NOL4: variants seen among roughly 807,000 people sequenced by gnomAD.
NOL4 encodes nucleolar protein 4.
Under a neutral mutation model 75.9 loss-of-function variants are expected in NOL4, and 17 were observed. That is an observed-to-expected ratio of 0.22 (90% CI 0.15 to 0.34). The LOEUF (loss-of-function observed/expected upper bound fraction) is 0.34, where lower values mean the gene tolerates loss of function less well. Among genes scored for constraint, NOL4 ranks in the 10% least tolerant of loss-of-function variants. The pLI is 1.00. For missense variants in NOL4, 614 were observed against 793.5 expected (o/e 0.77, Z 2.72); for synonymous variants, 292 against 289.9 (o/e 1.01, Z -0.07).
intron 3 of NOL4, 80 bp downstream of exon 3, chr18:34,104,969 C>T (rs1025273257): frequency 4.6e-6 from 4 of 874,508 alleles, no homozygotes; most frequent in East Asian, 2.5e-5. Flanking sequence ...CAGTCTACCA[C>T]GTTTTTATAA....
chr18:34,223,358 G>A lies in NOL4; in HGVS notation c.-105C>T. 1 of 1,487,372 alleles carries A rather than the reference G, an allele frequency of 6.7e-7. No homozygotes were observed. The highest frequency in any genetic ancestry group is 1.3e-5 in the South Asian group (1 of 76,166). The allele number at this position is 1,487,372 out of a possible 1,614,324, so 92.1% of individuals were successfully genotyped here. ...CCCGGCCACGTTGCAGGGATGCGAGGTCCCGGCCGCAGCGGGAGCCTGCTT... is the reference window on the plus strand; with the variant it reads ...CCCGGCCACGTTGCAGGGATGCGAGATCCCGGCCGCAGCGGGAGCCTGCTT... On this transcript the variant is annotated 5_prime_UTR_variant, in exon 1 of 11. Coordinates refer to ENST00000261592, the MANE Select transcript of NOL4 (RefSeq NM_003787.5).
chr18:34,093,482 A>C lies in NOL4; in HGVS notation c.755T>G (p.Leu252Arg), dbSNP rs2078623886. Residue 252 changes from leucine (L) to arginine (R), a missense_variant, in exon 5 of 11, where the codon CTT becomes CGT. This residue lies in a region of NOL4 where 135 missense variants were observed against 220.4 expected (regional missense o/e 0.61). Transcript: ENST00000261592. Reference protein sequence around the residue: ...LEERMQSPQNLHGQQDDDSAA... With the variant: ...LEERMQSPQNRHGQQDDDSAA... ...AGGCTTACCATCTTGCTGGCCATGAAGATTCTGGGGACTTTGCATTCTTTC... is the reference window on the plus strand; with the variant it reads ...AGGCTTACCATCTTGCTGGCCATGACGATTCTGGGGACTTTGCATTCTTTC... 6.3e-7 allele frequency: 1 copy of C among 1,583,864 alleles called. No homozygotes were observed. The highest frequency in any genetic ancestry group is 8.6e-7 in the Non-Finnish European group (1 of 1,163,068).
At chr18:34,017,070 AC>A (rs1174244012) in intron 6 of NOL4, among the ~76,000 whole-genome samples, 1 of 151,974 alleles carries the variant, frequency 6.6e-6, no homozygotes, top group Non-Finnish European at 1.5e-5. Flanking sequence ...CTAGCAAGAG[AC>A]CCCTTCTGAA....
chr18:34,165,311 A>G (rs1471143915), intron 1 of NOL4, among the ~76,000 whole-genome samples: 1 of 152,190 alleles, frequency 6.6e-6, no homozygotes, highest in Non-Finnish European at 1.5e-5. Flanking sequence ...CATCCTTAGT[A>G]TCTCACAGCA....
chr18:33,964,605 T>C (rs979074857), intron 6 of NOL4, among the ~76,000 whole-genome samples: 4 of 152,178 alleles, frequency 2.6e-5, no homozygotes, highest in African/African-American at 9.6e-5. Context: ...CAAAATGTGC[T>C]GGTTGCACTA....
intron 1 of NOL4, among the ~76,000 whole-genome samples, 165 bp from the exon 2 acceptor site, chr18:34,130,185 T>C (rs577141925): frequency 6.6e-6 from 1 of 152,186 alleles, no homozygotes; most frequent in Admixed American, 6.6e-5. Flanking sequence ...TATGCATTAC[T>C]TACATACAGA....
At chr18:34,028,149 A>T (rs1448655383) in intron 5 of NOL4, among the ~76,000 whole-genome samples, 3 of 151,812 alleles carry the variant, frequency 2.0e-5, no homozygotes, top group African/African-American at 7.3e-5. Flanking sequence ...TGGTCATAGT[A>T]CCCCCCCAAC....
chr18:34,217,537 T>C (rs2036988651), intron 1 of NOL4, among the ~76,000 whole-genome samples: 1 of 152,150 alleles, frequency 6.6e-6, no homozygotes, highest in Non-Finnish European at 1.5e-5. Flanking sequence ...TCCGCCTGCC[T>C]CAGCCTCCCA....
At chr18:34,142,992 G>A (rs2081245572) in intron 1 of NOL4, among the ~76,000 whole-genome samples, 1 of 151,448 alleles carries the variant, frequency 6.6e-6, no homozygotes, top group Non-Finnish European at 1.5e-5. Flanking sequence ...GCTCAATAAA[G>A]CTGTTAAAAT....
intron 9 of NOL4, among the ~76,000 whole-genome samples, chr18:33,910,770 G>T (rs985237914): frequency 6.6e-6 from 1 of 151,986 alleles, no homozygotes; most frequent in Non-Finnish European, 1.5e-5. Flanking sequence ...GGGGGTTTTG[G>T]TGTGGTTTGG....
chr18:34,172,234 G>A (rs1600792334), intron 1 of NOL4, among the ~76,000 whole-genome samples: 1 of 151,900 alleles, frequency 6.6e-6, no homozygotes, highest in African/African-American at 2.4e-5. Flanking sequence ...AAATATTTTT[G>A]GATAACTACA....
intron 10 of NOL4, among the ~76,000 whole-genome samples, chr18:33,869,758 TA>T (rs1394076518): frequency 6.6e-6 from 1 of 152,062 alleles, no homozygotes; most frequent in Non-Finnish European, 1.5e-5. Context: ...AAGGCAAAAT[TA>T]CAATTTTAAG....
chr18:34,028,769 T>A (rs2075481129), intron 5 of NOL4, among the ~76,000 whole-genome samples: 1 of 152,228 alleles, frequency 6.6e-6, no homozygotes, highest in Non-Finnish European at 1.5e-5. Flanking sequence ...TTCATTTGCA[T>A]GGTAAAATTT....
intron 9 of NOL4, among the ~76,000 whole-genome samples, chr18:33,912,745 T>C (rs557528314): frequency 3.9e-5 from 6 of 152,218 alleles, no homozygotes; most frequent in African/African-American, 1.4e-4. Flanking sequence ...CTAGGTATAA[T>C]ATACTTTTAT....
At position 33,958,356 on chromosome 18, in the gene NOL4, A is replaced by T; in HGVS notation, c.1119T>A (p.Ala373=). ...SGKNESVDRG[A]EDLSLNRGDE... ...CTCCCCTGTTTAGTGAGAGGTCCTCAGCTCCTCGGTCTACACTCTCATTTT... is the reference window on the plus strand; with the variant it reads ...CTCCCCTGTTTAGTGAGAGGTCCTCTGCTCCTCGGTCTACACTCTCATTTT... Residue 373 remains alanine, a synonymous_variant, in exon 7 of 11, where the codon GCT becomes GCA. Coordinates refer to ENST00000261592, the MANE Select transcript of NOL4 (RefSeq NM_003787.5). The T allele has an allele frequency of 6.2e-7, 1 of 1,613,212 alleles. No individual in the cohort carries two copies. The highest frequency in any genetic ancestry group is 8.5e-7 in the Non-Finnish European group (1 of 1,179,604).
intron 8 of NOL4, among the ~76,000 whole-genome samples, chr18:33,950,873 T>C (rs1160766341): frequency 6.6e-6 from 1 of 152,160 alleles, no homozygotes; most frequent in Non-Finnish European, 1.5e-5. Flanking sequence ...TTGCATTTTA[T>C]CACATTTCTC....
intron 6 of NOL4, among the ~76,000 whole-genome samples, chr18:33,999,709 T>C (rs988490430): frequency 3.3e-5 from 5 of 152,110 alleles, no homozygotes; most frequent in Admixed American, 1.3e-4. Context: ...TGGAGTGCAG[T>C]GGTGCAATCT....
At chr18:33,941,661 C>G (rs1291017972) in intron 9 of NOL4, among the ~76,000 whole-genome samples, 1 of 151,890 alleles carries the variant, frequency 6.6e-6, no homozygotes, top group Non-Finnish European at 1.5e-5. Flanking sequence ...AACGACTCCA[C>G]AGGATGAGTA....
chr18:34,155,205 A>G (rs886236873), intron 1 of NOL4, among the ~76,000 whole-genome samples: 1 of 151,978 alleles, frequency 6.6e-6, no homozygotes, highest in Non-Finnish European at 1.5e-5. Flanking sequence ...AAAATATGAG[A>G]ATCTAATTTA....
Sources: allele counts gnomAD v4.1 joint callset (sites outside exome capture counted in the v4.1 genomes callset), GRCh38; gene constraint gnomAD v4.1.1; regional missense constraint gnomAD v4.1.1; transcripts MANE v1.5; gene names NCBI Gene and HGNC (gene_info 2026-07-23, HGNC 2026-07-21).